The following NBEA variants were observed in gnomAD, a reference collection of about 807,000 sequenced individuals.
The protein encoded by NBEA is neurobeachin, also known as lysosomal-trafficking regulator 2.
In NBEA, 44 loss-of-function variants were observed where a neutral mutation model predicts 343.4. That is an observed-to-expected ratio of 0.13 (90% CI 0.10 to 0.16). The LOEUF is 0.16. Among genes scored for constraint, NBEA ranks in the 10% least tolerant of loss-of-function variants. NBEA has a pLI of 1.00. For missense variants in NBEA, 2,555 were observed against 3,631.3 expected (o/e 0.70, Z 7.62); for synonymous variants, 1,175 against 1,238.7 (o/e 0.95, Z 1.08).
At position 35,192,078 on chromosome 13, in the gene NBEA, C is replaced by T. The variant is rs536907013; in HGVS notation, c.4928-3786C>T. Among the ~76,000 whole-genome samples, 35 of 152,180 alleles carry T rather than the reference C, an allele frequency of 2.3e-4. 1 individual carries two copies. The South Asian group carries it at 7.1e-3, about 31-fold the overall frequency. On this transcript the variant is annotated intron_variant, in intron 30 of 58. Coordinates refer to ENST00000379939, the MANE Select transcript of NBEA (RefSeq NM_001385012.1). ...ATCACTCTGGCTAGTAATGTTTCTG[C>T]TCTGTGTACTGACATTGCCTGTTGC...
At chr13:35,116,971 A>G (rs746767008) in intron 13 of NBEA, among the ~76,000 whole-genome samples, 43 of 152,166 alleles carry the variant, frequency 2.8e-4, no homozygotes, top group Non-Finnish European at 5.0e-4. Flanking sequence ...AATAATTGCA[A>G]TAAAACAGAG....
chr13:35,284,465 G>A (rs2035284284), intron 34 of NBEA, among the ~76,000 whole-genome samples: 1 of 151,942 alleles, frequency 6.6e-6, no homozygotes, highest in Non-Finnish European at 1.5e-5. Flanking sequence ...TTTTATTATA[G>A]TTTTAAGTTA....
At chr13:35,133,270 T>C (rs1376903746) in intron 17 of NBEA, among the ~76,000 whole-genome samples, 4 of 152,100 alleles carry the variant, frequency 2.6e-5, no homozygotes, top group Non-Finnish European at 5.9e-5. Flanking sequence ...TCAACTTCAG[T>C]AGTAATCAAG....
chr13:35,471,239 AG>A (rs1359260238), intron 40 of NBEA, among the ~76,000 whole-genome samples: 3 of 152,240 alleles, frequency 2.0e-5, no homozygotes, highest in Non-Finnish European at 4.4e-5. Flanking sequence ...GTGCTGCGCC[AG>A]GGAAAGCCAA....
intron 31 of NBEA, among the ~76,000 whole-genome samples, chr13:35,198,142 G>A (rs1200569472): frequency 6.6e-6 from 1 of 151,812 alleles, no homozygotes; most frequent in East Asian, 1.9e-4. Flanking sequence ...ATGTTCCCTG[G>A]GTGTTCCTTA....
intron 38 of NBEA, among the ~76,000 whole-genome samples, chr13:35,357,136 A>T (rs1594335140): frequency 6.6e-6 from 1 of 152,028 alleles, no homozygotes; most frequent in Admixed American, 6.6e-5. Flanking sequence ...TTCCATACAC[A>T]TGTATCATGG....
intron 34 of NBEA, among the ~76,000 whole-genome samples, chr13:35,236,586 G>A (rs1166861140): frequency 2.0e-5 from 3 of 151,438 alleles, no homozygotes; most frequent in African/African-American, 7.3e-5. Context: ...AGCTGGGACT[G>A]CAGGTGCCTG....
At position 35,182,534 on chromosome 13, in the gene NBEA, T is replaced by C; in HGVS notation, c.4831+6T>C. ...AAATTCACCAACAAGTACAGGTACT[T>C]AACATTGTATAATTATTTGAATTTT... On this transcript the variant is annotated splice_donor_region_variant and intron_variant, in intron 29 of 58. Transcript: ENST00000379939. 1 of 1,597,684 alleles carries C rather than the reference T, an allele frequency of 6.3e-7. No homozygotes were observed. Among genetic ancestry groups the C allele is most frequent in the Non-Finnish European group, 8.5e-7 (1 of 1,172,712 alleles).
chr13:35,025,532 G>T (rs991365195), intron 1 of NBEA, among the ~76,000 whole-genome samples: 1 of 152,078 alleles, frequency 6.6e-6, no homozygotes, highest in East Asian at 1.9e-4. Flanking sequence ...CTGTGTGTCT[G>T]TTTTTGTATG....
At chr13:35,125,615 T>C (rs1397655277) in intron 17 of NBEA, among the ~76,000 whole-genome samples, 1 of 152,190 alleles carries the variant, frequency 6.6e-6, no homozygotes, top group Admixed American at 6.5e-5. Flanking sequence ...TTTACACATA[T>C]GCATGGAAGT....
intron 41 of NBEA, among the ~76,000 whole-genome samples, chr13:35,510,634 G>T (rs35059785): frequency 0.021 from 3,182 of 152,224 alleles, 70 homozygotes; most frequent in South Asian, 0.088. Flanking sequence ...GAATAAAAAA[G>T]AAGGAAGAAA....
At chr13:35,201,522 A>G (rs2073021775) in intron 31 of NBEA, among the ~76,000 whole-genome samples, 1 of 152,018 alleles carries the variant, frequency 6.6e-6, no homozygotes, top group Non-Finnish European at 1.5e-5. Context: ...TTCTTTCAAG[A>G]TACATATTTA....
chr13:35,506,074 A>AT (rs1278947705), intron 41 of NBEA, among the ~76,000 whole-genome samples: 5 of 151,800 alleles, frequency 3.3e-5, no homozygotes, highest in African/African-American at 1.2e-4. Context: ...TATTTATTTT[A>AT]TTTTTTGAGA....
In NBEA at chr13:35,058,875, T is replaced by A. The variant is rs545964626; in HGVS notation, c.1239+12T>A. ...GACCTGGATATAAGGTAGTAATAAC[T>A]GTAATTTTATAAATTCTATGGAGAG... is the stretch of plus-strand genomic sequence containing the variant. On this transcript the variant is annotated intron_variant, in intron 8 of 58. Transcript: ENST00000379939. 2.6e-5 allele frequency: 41 copies of A among 1,569,912 alleles called. No individual in the cohort carries two copies. The South Asian group carries it at 4.9e-4, about 19-fold the overall frequency.
intron 1 of NBEA, among the ~76,000 whole-genome samples, chr13:34,969,658 T>C (rs2059937240): frequency 6.6e-6 from 1 of 152,042 alleles, no homozygotes; most frequent in Non-Finnish European, 1.5e-5. Context: ...TATTTTGTTT[T>C]CTGTGTTAGT....
intron 31 of NBEA, among the ~76,000 whole-genome samples, chr13:35,207,064 T>G (rs778852850): frequency 5.7e-4 from 86 of 151,964 alleles, no homozygotes; most frequent in Admixed American, 5.9e-4. Context: ...TGAAGAAATT[T>G]TTTGGCATGA....
At chr13:35,398,094 TG>T (rs2042829446) in intron 38 of NBEA, among the ~76,000 whole-genome samples, 2 of 152,188 alleles carry the variant, frequency 1.3e-5, no homozygotes, top group African/African-American at 4.8e-5. Context: ...AATGCTTTGT[TG>T]TCATTTCAAT....
chr13:35,634,326 G>A (rs2764024), intron 49 of NBEA, among the ~76,000 whole-genome samples: 66,493 of 151,988 alleles, frequency 0.44, 16,356 homozygotes, highest in Admixed American at 0.6. Context: ...CTGGGCGACA[G>A]AGTGAGACTA....
intron 47 of NBEA, among the ~76,000 whole-genome samples, chr13:35,596,031 T>C (rs2081781298): frequency 6.6e-6 from 1 of 152,052 alleles, no homozygotes; most frequent in African/African-American, 2.4e-5. Context: ...AAGGTTCCAT[T>C]GCAAGTAGGG....
Sources: allele counts gnomAD v4.1 joint callset (sites outside exome capture counted in the v4.1 genomes callset), GRCh38; gene constraint gnomAD v4.1.1; transcripts MANE v1.5; gene names NCBI Gene and HGNC (gene_info 2026-07-23, HGNC 2026-07-21).